GAN: variants seen among roughly 807,000 people sequenced by gnomAD.
The protein encoded by GAN is epididymis secretory sperm binding protein.
A neutral mutation model predicts 71.3 loss-of-function variants in GAN; 48 were observed. That is an observed-to-expected ratio of 0.67 (90% confidence interval 0.53 to 0.86). GAN has a LOEUF of 0.86. Among genes scored for constraint, GAN ranks in the 40% least tolerant of loss-of-function variants. GAN has a pLI of 0.00. For synonymous variants in GAN, 386 were observed against 276.8 expected, an observed-to-expected ratio of 1.39 and a Z score of -3.92; for missense variants, 928 against 770.1, an observed-to-expected ratio of 1.21 and a Z score of -2.43.
rs554709546 is a variant in GAN at position 81,382,290 on chromosome 16, C to A, written c.*4694C>A. 6.6e-6 allele frequency: 1 copy of A among 152,126 alleles called. No homozygotes were observed. Among genetic ancestry groups the A allele is most frequent in the South Asian group, 2.1e-4 (1 of 4,820 alleles). 9.4% of individuals were successfully genotyped at this position (152,126 alleles called of 1,614,324 possible). A position where few individuals can be genotyped will look rare whatever the true frequency, so the allele number is the denominator to read the frequency against. ...CTGGAACTTGATTTTTCTAGGCATA[C>A]AAGTATTTTTAGTAATAGAATAATC... On this transcript the variant is annotated 3_prime_UTR_variant, in exon 11 of 11. Transcript: ENST00000648994.
intron 5 of GAN, 77 bp downstream of exon 5, chr16:81,358,008 G>C (rs979874699): frequency 1.0e-5 from 13 of 1,243,240 alleles, no homozygotes; most frequent in Non-Finnish European, 1.4e-5. Context: ...GAATGACTCA[G>C]AGCCTTTTAA....
chr16:81,345,987 A>T lies in GAN; in HGVS notation c.168-5596A>T, dbSNP rs555613679. 5.3e-5 allele frequency among the ~76,000 whole-genome samples: 8 copies of T among 152,328 alleles called. No individual in the cohort carries two copies. In the East Asian group the frequency reaches 1.5e-3, roughly 29 times the overall value. ...TGCTCCTATGAGAATCTAATGCCAC[A>T]TGCGCAAGCAAGTACAGCTAGCTCT... On this transcript the variant is annotated intron_variant, in intron 1 of 10. Coordinates refer to ENST00000648994, the MANE Select transcript of GAN (RefSeq NM_022041.4).
At position 81,349,559 on chromosome 16, in the gene GAN, A is replaced by T. The variant is rs568147033; in HGVS notation, c.168-2024A>T. 1.5e-3 allele frequency among the ~76,000 whole-genome samples: 234 copies of T among 152,240 alleles called. 1 individual carries two copies. Among genetic ancestry groups the T allele is most frequent in the African/African-American group, 5.4e-3 (226 of 41,520 alleles). On this transcript the variant is annotated intron_variant, in intron 1 of 10. Transcript: ENST00000648994. ...CTTGGGGGGCTGAGGCAGGAGAATC[A>T]CTTGAACCCAGGAGGAGGAGGTTGT...
chr16:81,353,329 A>C (rs1254008125), intron 2 of GAN, among the ~76,000 whole-genome samples: 1 of 151,358 alleles, frequency 6.6e-6, no homozygotes, highest in African/African-American at 2.4e-5. Flanking sequence ...TGTAAGTTAT[A>C]ACAAACTCCT....
Position 81,378,826 on chromosome 16 carries a change from C to G in GAN, c.*1230C>G, listed in dbSNP as rs1055289184. On this transcript the variant is annotated 3_prime_UTR_variant, in exon 11 of 11. Transcript: ENST00000648994. ...CCTATCTCTCATTCTCACCTCAACC[C>G]ACTTTACCCCACTTCTCATTGGGGG... 7 of 152,572 alleles carry G rather than the reference C, an allele frequency of 4.6e-5. No homozygotes were observed. The highest frequency in any genetic ancestry group is 1.7e-4 in the African/African-American group (7 of 41,420). The allele number at this position is 152,572 out of a possible 1,614,324, so 9.5% of individuals were successfully genotyped here.
At chr16:81,326,663 C>T (rs929419027) in intron 1 of GAN, among the ~76,000 whole-genome samples, 11 of 152,182 alleles carry the variant, frequency 7.2e-5, no homozygotes, top group Non-Finnish European at 1.5e-4. Context: ...AGTGTACAAA[C>T]CTAGAGGGCA....
intron 1 of GAN, among the ~76,000 whole-genome samples, chr16:81,347,520 C>T (rs1910157813): frequency 6.6e-6 from 1 of 152,060 alleles, no homozygotes; most frequent in Non-Finnish European, 1.5e-5. Context: ...CTTCCACTTT[C>T]TTGATATATT....
At chr16:81,345,240 C>G (rs1261763334) in intron 1 of GAN, among the ~76,000 whole-genome samples, 2 of 152,192 alleles carry the variant, frequency 1.3e-5, no homozygotes, top group Non-Finnish European at 2.9e-5. Flanking sequence ...ACCCAGCAAT[C>G]CCATTACTGG....
chr16:81,358,216 A>G (rs539757501), intron 5 of GAN, among the ~76,000 whole-genome samples: 2 of 152,178 alleles, frequency 1.3e-5, no homozygotes, highest in African/African-American at 2.4e-5. Context: ...GCTTACCACT[A>G]AGTAGCTGTA....
intron 1 of GAN, among the ~76,000 whole-genome samples, chr16:81,340,873 G>T (rs150715085): frequency 3.2e-4 from 48 of 152,068 alleles, no homozygotes; most frequent in African/African-American, 1.1e-3. Context: ...TTAACCCATC[G>T]CAAGGAATCG....
At chr16:81,327,173 C>T (rs1909418682) in intron 1 of GAN, among the ~76,000 whole-genome samples, 1 of 152,210 alleles carries the variant, frequency 6.6e-6, no homozygotes, top group South Asian at 2.1e-4. Flanking sequence ...AAGAGTAGCT[C>T]TGATGAGAGA....
intron 1 of GAN, among the ~76,000 whole-genome samples, chr16:81,334,347 C>G (rs75300128): frequency 6.6e-6 from 1 of 152,078 alleles, no homozygotes; most frequent in Non-Finnish European, 1.5e-5. Context: ...GGTGGGTCTC[C>G]GTCACCTTCA....
intron 5 of GAN, 28 bp from the exon 6 acceptor site, chr16:81,362,471 A>T: frequency 1.7e-6 from 2 of 1,184,602 alleles, no homozygotes; most frequent in Middle Eastern, 1.9e-4. Context: ...CTCACATTTC[A>T]TATTTGTGTT....
intron 2 of GAN, among the ~76,000 whole-genome samples, chr16:81,353,019 C>T (rs555187783): frequency 6.6e-6 from 1 of 152,250 alleles, no homozygotes; most frequent in South Asian, 2.1e-4. Flanking sequence ...GGGCCGGGCG[C>T]GGTGGCTCAC....
At chr16:81,368,671 G>A (rs58655554) in intron 9 of GAN, among the ~76,000 whole-genome samples, 7,637 of 151,918 alleles carry the variant, frequency 0.05, 271 homozygotes, top group African/African-American at 0.1. Context: ...GCCAGGTCTG[G>A]TCCTTTTTTA....
chr16:81,367,590 C>T (rs1443851092), intron 9 of GAN, among the ~76,000 whole-genome samples: 1 of 152,158 alleles, frequency 6.6e-6, no homozygotes, highest in Non-Finnish European at 1.5e-5. Context: ...TTTCTAAGCT[C>T]TCTGATGTTT....
chr16:81,334,037 C>T (rs1287501813), intron 1 of GAN, among the ~76,000 whole-genome samples: 1 of 152,198 alleles, frequency 6.6e-6, no homozygotes, highest in African/African-American at 2.4e-5. Flanking sequence ...AAAACATAAC[C>T]TTCTTTGAGA....
chr16:81,314,970 C>G lies in GAN; in HGVS notation c.-144C>G, dbSNP rs1330168594. 5 of 642,624 alleles carry G rather than the reference C, an allele frequency of 7.8e-6. No homozygotes were observed. The highest frequency in any genetic ancestry group is 3.5e-5 in the East Asian group (1 of 28,380). 39.8% of individuals were successfully genotyped at this position (642,624 alleles called of 1,614,324 possible). ...CCGGCCCAGCGCGCCGCGGATAGCA[C>G]AGGCACGTCCCGGGGGCTCCAGCTT... On this transcript the variant is annotated 5_prime_UTR_variant, in exon 1 of 11. Coordinates refer to ENST00000648994, the MANE Select transcript of GAN (RefSeq NM_022041.4).
At chr16:81,339,397 G>C (rs1305946500) in intron 1 of GAN, among the ~76,000 whole-genome samples, 3 of 152,154 alleles carry the variant, frequency 2.0e-5, no homozygotes, top group African/African-American at 7.2e-5. Context: ...AAGGTCATCA[G>C]AAAAAATCAT....
Sources: allele counts gnomAD v4.1 joint callset (sites outside exome capture counted in the v4.1 genomes callset), GRCh38; gene constraint gnomAD v4.1.1; transcripts MANE v1.5; gene names NCBI Gene and HGNC (gene_info 2026-07-23, HGNC 2026-07-21).